The following MDFIC2 variants were observed in gnomAD, a reference collection of about 807,000 sequenced individuals.
The protein encoded by MDFIC2 is MyoD family inhibitor domain containing 2.
intron 2 of MDFIC2, among the ~76,000 whole-genome samples, chr3:70,266,767 A>G (rs1701920298): frequency 6.6e-6 from 1 of 152,116 alleles, no homozygotes; most frequent in African/African-American, 2.4e-5. Flanking sequence ...TTTAAAATAT[A>G]TTTCTATAGT....
At chr3:70,290,629 C>G (rs1269833366) in intron 2 of MDFIC2, among the ~76,000 whole-genome samples, 8 of 152,216 alleles carry the variant, frequency 5.3e-5, no homozygotes, top group African/African-American at 1.4e-4. Context: ...CTCAGCAAGC[C>G]TGGGCAATGG....
chr3:70,198,615 C>T (rs1325652717), intron 3 of MDFIC2, among the ~76,000 whole-genome samples: 1 of 152,044 alleles, frequency 6.6e-6, no homozygotes, highest in East Asian at 1.9e-4. Flanking sequence ...TTTCTCTTAC[C>T]TTCCCTTCCT....
At chr3:70,305,289 C>T (rs1264951331) in intron 2 of MDFIC2, among the ~76,000 whole-genome samples, 2 of 152,178 alleles carry the variant, frequency 1.3e-5, no homozygotes, top group Admixed American at 6.5e-5. Flanking sequence ...TTTCTTCACC[C>T]CTATTTTTGT....
At chr3:70,268,843 A>G (rs1701948197) in intron 2 of MDFIC2, among the ~76,000 whole-genome samples, 1 of 152,190 alleles carries the variant, frequency 6.6e-6, no homozygotes, top group South Asian at 2.1e-4. Flanking sequence ...AATATTTTGT[A>G]TCAATAAATT....
At chr3:70,237,038 C>T (rs1408180385) in intron 2 of MDFIC2, among the ~76,000 whole-genome samples, 1 of 151,652 alleles carries the variant, frequency 6.6e-6, no homozygotes, top group Non-Finnish European at 1.5e-5. Context: ...TGCAGCTTGC[C>T]CCATTCTCAC....
At chr3:70,288,032 G>T (rs1280427938) in intron 2 of MDFIC2, among the ~76,000 whole-genome samples, 1 of 151,180 alleles carries the variant, frequency 6.6e-6, no homozygotes, top group African/African-American at 2.4e-5. Flanking sequence ...TTAATTTTTT[G>T]AAGGGTTTTT....
intron 2 of MDFIC2, among the ~76,000 whole-genome samples, chr3:70,216,477 G>A (rs1026315896): frequency 1.3e-5 from 2 of 151,960 alleles, no homozygotes; most frequent in African/African-American, 4.8e-5. Flanking sequence ...AAAACGCGGG[G>A]ATATCAAATA....
chr3:70,243,336 T>C (rs1701678709), intron 2 of MDFIC2, among the ~76,000 whole-genome samples: 1 of 152,156 alleles, frequency 6.6e-6, no homozygotes, highest in African/African-American at 2.4e-5. Context: ...TTCCTTAAAA[T>C]TGGGGTTGTA....
At chr3:70,311,611 T>C (rs568937705) in intron 2 of MDFIC2, among the ~76,000 whole-genome samples, 152 of 152,230 alleles carry the variant, frequency 1.0e-3, no homozygotes, top group Admixed American at 1.8e-3. Context: ...TCACAGATAA[T>C]ATAAGTCTGA....
intron 3 of MDFIC2, among the ~76,000 whole-genome samples, chr3:70,202,112 T>C (rs1270812549): frequency 6.6e-6 from 1 of 152,130 alleles, no homozygotes; most frequent in Non-Finnish European, 1.5e-5. Context: ...CTAATAGTGG[T>C]TAGTGACTAG....
intron 2 of MDFIC2, among the ~76,000 whole-genome samples, chr3:70,300,871 C>T (rs1018547558): frequency 6.6e-6 from 1 of 151,854 alleles, no homozygotes; most frequent in Admixed American, 6.6e-5. Flanking sequence ...GTATTCATGT[C>T]CTATAAACAC....
intron 2 of MDFIC2, among the ~76,000 whole-genome samples, chr3:70,245,234 A>T (rs1254309251): frequency 6.6e-6 from 1 of 152,124 alleles, no homozygotes; most frequent in Non-Finnish European, 1.5e-5. Flanking sequence ...TTCTAAAATT[A>T]TTTCAAAAGA....
intron 2 of MDFIC2, among the ~76,000 whole-genome samples, chr3:70,254,117 G>C (rs1473942327): frequency 6.8e-6 from 1 of 147,016 alleles, no homozygotes; most frequent in African/African-American, 2.5e-5. Context: ...AAATTTTTTG[G>C]TAATTGTACA....
chr3:70,296,524 T>C (rs1285327212), intron 2 of MDFIC2, among the ~76,000 whole-genome samples: 1 of 152,196 alleles, frequency 6.6e-6, no homozygotes, highest in Non-Finnish European at 1.5e-5. Context: ...AAAAATCATT[T>C]GGTTACTTAA....
intron 2 of MDFIC2, among the ~76,000 whole-genome samples, chr3:70,231,242 AG>A (rs1252587054): frequency 2.0e-5 from 3 of 152,176 alleles, no homozygotes; most frequent in Admixed American, 1.3e-4. Flanking sequence ...TGCTCAAGGA[AG>A]GGAATAGTTC....
intron 2 of MDFIC2, among the ~76,000 whole-genome samples, chr3:70,267,969 GCCTCCCCTTTCGCCTCCCCTTTCA>G (rs1701936162): frequency 8.1e-6 from 1 of 122,866 alleles, no homozygotes; most frequent in Admixed American, 9.1e-5. Flanking sequence ...CTTTCCTTTC[GCCTCCCCTTTCGCCTCCCCTTTCA>G]CCTCCCCTTT....
At chr3:70,212,475 C>T (rs1222719991) in intron 2 of MDFIC2, among the ~76,000 whole-genome samples, 1 of 152,078 alleles carries the variant, frequency 6.6e-6, no homozygotes, top group Non-Finnish European at 1.5e-5. Context: ...GGCCCTGTCC[C>T]TCCATCCAAT....
At chr3:70,224,596 C>T (rs1008535793) in intron 2 of MDFIC2, among the ~76,000 whole-genome samples, 1 of 152,154 alleles carries the variant, frequency 6.6e-6, no homozygotes, top group Non-Finnish European at 1.5e-5. Context: ...TTTACAACTG[C>T]CCCTTTGGCT....
chr3:70,280,060 G>A (rs1027309790), intron 2 of MDFIC2, among the ~76,000 whole-genome samples: 1 of 152,160 alleles, frequency 6.6e-6, no homozygotes, highest in Admixed American at 6.5e-5. Context: ...AAATCAAGGT[G>A]TCAGCAAGGC....
Sources: gnomAD v4.1 joint callset for allele counts (sites outside exome capture counted in the v4.1 genomes callset) on GRCh38, gnomAD v4.1.1 for gene constraint, MANE v1.5 for transcripts, NCBI Gene and HGNC (gene_info 2026-07-23, HGNC 2026-07-21) for gene names.